Variants in MTIF3 observed in about 807,000 individuals in gnomAD.
The protein encoded by MTIF3 is translation initiation factor IF-3, mitochondrial.
A neutral mutation model predicts 20.7 loss-of-function variants in MTIF3; 13 were observed. The ratio of observed to expected loss-of-function variants is 0.63; its 90% CI spans 0.41 to 1.00. The LOEUF is 1.00. Ranked by LOEUF, MTIF3 falls within the 50% of genes least tolerant of loss-of-function variation. The pLI is 0.00. For missense variants in MTIF3, 295 were observed against 324.5 expected (o/e 0.91, Z 0.70); for synonymous variants, 114 against 112.5 (o/e 1.01, Z -0.08).
At chr13:27,442,236 T>A (rs112902050) in intron 2 of MTIF3, among the ~76,000 whole-genome samples, 46 of 152,294 alleles carry the variant, frequency 3.0e-4, no homozygotes, top group African/African-American at 1.1e-3. Flanking sequence ...AATACCAACG[T>A]TATCCTTGAC....
intron 4 of MTIF3, 114 bp downstream of exon 4, chr13:27,437,002 T>C (rs1014727767): frequency 6.4e-5 from 66 of 1,038,908 alleles, no homozygotes; most frequent in Non-Finnish European, 8.4e-5. Flanking sequence ...CCGCCCACCT[T>C]GGCCTCCCAA....
In MTIF3 at chr13:27,450,518, G is replaced by C. The variant is rs1026469936; in HGVS notation, c.-80C>G. ...TCATATTTAGCATTACCTGTGCTGG[G>C]GCAAGCGATTGACATACTGTAGCGG... On this transcript the variant is annotated 5_prime_UTR_variant, in exon 1 of 5. Coordinates refer to ENST00000381120, the MANE Select transcript of MTIF3 (RefSeq NM_152912.5). The C allele has an allele frequency of 6.6e-6, 1 of 152,336 alleles. No homozygotes were observed. 9.4% of individuals were successfully genotyped at this position (152,336 alleles called of 1,614,324 possible).
At chr13:27,447,090 T>C (rs1954203261) in intron 1 of MTIF3, among the ~76,000 whole-genome samples, 1 of 150,492 alleles carries the variant, frequency 6.6e-6, no homozygotes, top group African/African-American at 2.4e-5. Flanking sequence ...TGGTCTACAA[T>C]GGGGTGGTGT....
chr13:27,437,960 C>T (rs559710741), intron 3 of MTIF3, among the ~76,000 whole-genome samples: 20 of 152,228 alleles, frequency 1.3e-4, no homozygotes, highest in East Asian at 5.8e-4. Context: ...AACTGGGATA[C>T]GGTTTTTTCC....
intron 1 of MTIF3, among the ~76,000 whole-genome samples, chr13:27,446,139 C>T (rs562576451): frequency 6.6e-6 from 1 of 152,252 alleles, no homozygotes; most frequent in East Asian, 1.9e-4. Context: ...TCACTGCAAC[C>T]TCCGCCTCCC....
chr13:27,448,691 A>G (rs79420537), intron 1 of MTIF3, among the ~76,000 whole-genome samples: 1,752 of 152,354 alleles, frequency 0.011, 38 homozygotes, highest in African/African-American at 0.041. Flanking sequence ...TTGAAATAAT[A>G]ACCATATGTT....
intron 2 of MTIF3, among the ~76,000 whole-genome samples, chr13:27,443,087 A>C (rs1256824306): frequency 2.0e-5 from 3 of 152,186 alleles, no homozygotes; most frequent in African/African-American, 7.2e-5. Context: ...GAATGCCTAC[A>C]AACTACACCC....
intron 2 of MTIF3, among the ~76,000 whole-genome samples, chr13:27,442,602 C>A (rs1374056850): frequency 6.6e-6 from 1 of 152,206 alleles, no homozygotes; most frequent in African/African-American, 2.4e-5. Flanking sequence ...TCACTCTGTT[C>A]CAGCCTCCTT....
chr13:27,437,033 G>C (rs1452429151), intron 4 of MTIF3, 83 bp downstream of exon 4: 5 of 1,447,626 alleles, frequency 3.5e-6, no homozygotes, highest in Non-Finnish European at 4.7e-6. Context: ...TTACAGGCGT[G>C]AGCCACCGCG....
At chr13:27,439,548 T>G (rs1953918077) in intron 3 of MTIF3, among the ~76,000 whole-genome samples, 1 of 151,924 alleles carries the variant, frequency 6.6e-6, no homozygotes. Context: ...CACTTTAGAG[T>G]TGAAGAAGGG....
chr13:27,437,333 TC>T, intron 3 of MTIF3, 60 bp from the exon 4 acceptor site: 10 of 1,465,020 alleles, frequency 6.8e-6, no homozygotes, highest in Non-Finnish European at 9.3e-6. Context: ...ACCCTGAACT[TC>T]CCAACATGCC....
intron 1 of MTIF3, among the ~76,000 whole-genome samples, chr13:27,446,942 T>C (rs1019548364): frequency 7.2e-5 from 11 of 152,104 alleles, no homozygotes; most frequent in African/African-American, 2.4e-4. Flanking sequence ...ACTATATAAT[T>C]CGTCCATGTA....
chr13:27,448,624 A>AATATATCCAAAGATAT (rs1954254816), intron 1 of MTIF3, among the ~76,000 whole-genome samples: 1 of 151,536 alleles, frequency 6.6e-6, no homozygotes, highest in Admixed American at 6.6e-5. Flanking sequence ...GAACACTGGA[A>AATATATCCAAAGATAT]AAAGCCAACA....
chr13:27,450,329 A>G (rs1258762848), intron 1 of MTIF3, 180 bp downstream of exon 1: 1 of 152,302 alleles, frequency 6.6e-6, no homozygotes, highest in East Asian at 1.9e-4. Context: ...AAATGGCTTT[A>G]CAGCCCGGCA....
rs141071066 is a variant in MTIF3 at position 27,437,269 on chromosome 13, T to A, written c.465A>T (p.Pro155=). The A allele has an allele frequency of 3.1e-6, 5 of 1,613,152 alleles. No individual in the cohort carries two copies. The African/African-American group carries it at 5.3e-5, about 17-fold the overall frequency. ...EMEKANPKTG[P]TLRKELILSS... ...ACAAAATCAGTTCCTTTCTCAGGGT[T>A]GGTCCTGGTTTGAAACAGATAGGGT... Residue 155 remains proline (P), a synonymous_variant, in exon 4 of 5, where the codon CCA becomes CCT. Coordinates refer to ENST00000381120, the MANE Select transcript of MTIF3 (RefSeq NM_152912.5).
At chr13:27,447,341 T>C (rs1566089190) in intron 1 of MTIF3, among the ~76,000 whole-genome samples, 1 of 152,140 alleles carries the variant, frequency 6.6e-6, no homozygotes, top group African/African-American at 2.4e-5. Flanking sequence ...TGTTCTCTGA[T>C]GAAAATCTCT....
intron 2 of MTIF3, among the ~76,000 whole-genome samples, chr13:27,444,100 G>C (rs9507895): frequency 0.23 from 35,416 of 151,960 alleles, 4,256 homozygotes; most frequent in Non-Finnish European, 0.26. Context: ...TCAGGAGATC[G>C]AGACCATCCT....
At chr13:27,438,493 T>TG (rs1555259846) in intron 3 of MTIF3, among the ~76,000 whole-genome samples, 68 of 133,586 alleles carry the variant, frequency 5.1e-4, no homozygotes, top group African/African-American at 1.8e-3. Flanking sequence ...GTTTTTTTTT[T>TG]TTTTTTTTTT....
At chr13:27,442,750 G>A (rs1954048662) in intron 2 of MTIF3, among the ~76,000 whole-genome samples, 1 of 152,064 alleles carries the variant, frequency 6.6e-6, no homozygotes, top group South Asian at 2.1e-4. Context: ...CCTACTCAGC[G>A]AGCCCTTCCC....
Sources: allele counts gnomAD v4.1 joint callset (sites outside exome capture counted in the v4.1 genomes callset), GRCh38; gene constraint gnomAD v4.1.1; transcripts MANE v1.5; gene names NCBI Gene and HGNC (gene_info 2026-07-23, HGNC 2026-07-21).